The following TRAPPC11 variants were observed in gnomAD, a reference collection of about 807,000 sequenced individuals.
TRAPPC11 encodes the protein trafficking protein particle complex subunit 11, also known as foie gras homolog.
TRAPPC11 carries 104 observed loss-of-function variants against 151.2 expected under a neutral mutation model. That is an observed-to-expected ratio of 0.69 (90% CI 0.59 to 0.81). The LOEUF (loss-of-function observed/expected upper bound fraction) is 0.81. Ranked by LOEUF, TRAPPC11 falls within the 30% of genes least tolerant of loss-of-function variation. The pLI is 0.00. For missense variants in TRAPPC11, 1,230 were observed against 1,349.6 expected (o/e 0.91, Z 1.39); for synonymous variants, 456 against 472.3 (o/e 0.97, Z 0.45).
rs1256979877 is a variant in TRAPPC11, at chr4:183,659,312, C to G, written c.-157C>G. On this transcript the variant is annotated 5_prime_UTR_variant, in exon 1 of 30. Transcript: ENST00000334690. ...GGAGGTGGGTACAGGGAAGTCTCGC[C>G]TGTTGGAACTGGCTGTGGGGCTGCG... 8.4e-6 allele frequency: 2 copies of G among 238,788 alleles called. No homozygotes were observed. The highest frequency in any genetic ancestry group is 1.8e-4 in the South Asian group (1 of 5,608). The allele number at this position is 238,788 out of a possible 1,614,324, so 14.8% of individuals were successfully genotyped here.
intron 19 of TRAPPC11, among the ~76,000 whole-genome samples, chr4:183,691,679 A>G (rs1736267651): frequency 6.6e-6 from 1 of 152,156 alleles, no homozygotes; most frequent in South Asian, 2.1e-4. Context: ...GCAATTAAAA[A>G]ATTGAGAATA....
At chr4:183,675,801 T>G (rs1258528901) in intron 7 of TRAPPC11, 8 of 152,230 alleles carry the variant, frequency 5.3e-5, no homozygotes, top group African/African-American at 1.9e-4. Context: ...ATCAGTCAGT[T>G]GCATCATTTT....
intron 2 of TRAPPC11, among the ~76,000 whole-genome samples, chr4:183,665,157 C>T (rs375636114): frequency 3.8e-4 from 54 of 141,348 alleles, no homozygotes; most frequent in East Asian, 1.7e-3. Flanking sequence ...TGCTGTGGCG[C>T]GATATCGGCT....
rs2111065463 is a variant in TRAPPC11 at position 183,693,128 on chromosome 4, A to G, written c.2218A>G (p.Ile740Val). Residue 740 changes from isoleucine (I) to valine (V), a missense_variant, in exon 20 of 30, where the codon ATA (isoleucine) becomes GTA (valine). Ile to Val is a conservative substitution (Grantham distance 29). Coordinates refer to ENST00000334690, the MANE Select transcript of TRAPPC11 (RefSeq NM_021942.6). ...PDNEVHWDSIIIQASTMIISR... is the reference protein window; with the variant it reads ...PDNEVHWDSIVIQASTMIISR... ...CAATGAAGTTCACTGGGACAGCATT[A>G]TAATTCAGGCAAGCACAATGTAAGT... 3 of 1,606,134 alleles carry G rather than the reference A, an allele frequency of 1.9e-6. No homozygotes were observed. Among genetic ancestry groups the G allele is most frequent in the African/African-American group, 1.3e-5 (1 of 74,824 alleles).
intron 18 of TRAPPC11, among the ~76,000 whole-genome samples, chr4:183,690,835 G>A (rs955754864): frequency 3.9e-5 from 6 of 152,140 alleles, no homozygotes; most frequent in African/African-American, 9.7e-5. Flanking sequence ...TAGTGTGATC[G>A]TACATGCCTA....
At chr4:183,707,671 G>A (rs1311277099) in intron 28 of TRAPPC11, among the ~76,000 whole-genome samples, 3 of 152,176 alleles carry the variant, frequency 2.0e-5, no homozygotes, top group Admixed American at 6.5e-5. Flanking sequence ...CATATTCTGA[G>A]TGCTGTGTTT....
At chr4:183,693,223 T>A (rs1408074812) in intron 20 of TRAPPC11, 76 bp downstream of exon 20, 1 of 1,376,830 alleles carries the variant, frequency 7.3e-7, no homozygotes, top group Non-Finnish European at 9.8e-7. Context: ...AGACAGAGTC[T>A]CTCTCTTGTC....
chr4:183,665,806 C>T (rs907682217), intron 2 of TRAPPC11, among the ~76,000 whole-genome samples: 2 of 152,032 alleles, frequency 1.3e-5, no homozygotes, highest in Admixed American at 1.3e-4. Flanking sequence ...TGCATCACAG[C>T]AATATGTCTT....
intron 9 of TRAPPC11, 32 bp from the exon 10 acceptor site, chr4:183,680,088 C>G: frequency 6.4e-7 from 1 of 1,573,326 alleles, no homozygotes; most frequent in East Asian, 2.2e-5. Context: ...TCTTTTCATT[C>G]CTCTTTATTT....
rs1206060472 is a variant in TRAPPC11, at chr4:183,701,679, A to G, written c.2852-18A>G. 1 of 1,556,484 alleles carries G rather than the reference A, an allele frequency of 6.4e-7. No homozygotes were observed. Among genetic ancestry groups the G allele is most frequent in the Admixed American group, 1.7e-5 (1 of 59,946 alleles). ...GATGAAACCATTGCATAAGGAATAT[A>G]AAGACTTTTCCCTGTAGTTATCTTA... On this transcript the variant is annotated intron_variant, in intron 25 of 29. Transcript: ENST00000334690.
In TRAPPC11 at chr4:183,679,333, A is replaced by G. The variant is rs1435202466; in HGVS notation, c.832-20A>G. 6.5e-7 allele frequency: 1 copy of G among 1,534,074 alleles called. No individual in the cohort carries two copies. Among genetic ancestry groups the G allele is most frequent in the East Asian group, 2.4e-5 (1 of 42,286 alleles). Reference sequence around the variant, plus strand: ...CTTTCTTTTTTTCCTTTATTTTGGGATCAATTTTACATTTTGCAGATCTGT... The same window carrying G: ...CTTTCTTTTTTTCCTTTATTTTGGGGTCAATTTTACATTTTGCAGATCTGT... On this transcript the variant is annotated intron_variant, in intron 8 of 29. Coordinates refer to ENST00000334690, the MANE Select transcript of TRAPPC11 (RefSeq NM_021942.6).
intron 27 of TRAPPC11, among the ~76,000 whole-genome samples, chr4:183,705,590 C>T (rs1737015930): frequency 6.6e-6 from 1 of 152,182 alleles, no homozygotes; most frequent in Admixed American, 6.5e-5. Flanking sequence ...ATACCGCTTT[C>T]TCTACCACTT....
At position 183,665,505 on chromosome 4, in the gene TRAPPC11, C is replaced by T. The variant is rs576111594; in HGVS notation, c.205-752C>T. 3.3e-5 allele frequency among the ~76,000 whole-genome samples: 5 copies of T among 152,342 alleles called. No homozygotes were observed. In the East Asian group the frequency reaches 9.6e-4, roughly 29 times the overall value. On this transcript the variant is annotated intron_variant, in intron 2 of 29. Transcript: ENST00000334690. ...TCAAGCTGCTTTTCATTTCTCTATT[C>T]CCAGCTTTTGGCTGAGTCCCCATGT...
chr4:183,698,721 A>G (rs1736664209), intron 25 of TRAPPC11, among the ~76,000 whole-genome samples: 1 of 152,166 alleles, frequency 6.6e-6, no homozygotes, highest in East Asian at 1.9e-4. Flanking sequence ...CATTTCCAGT[A>G]TCCTGACGTT....
At chr4:183,702,947 A>G (rs566751667) in intron 26 of TRAPPC11, among the ~76,000 whole-genome samples, 1 of 152,246 alleles carries the variant, frequency 6.6e-6, no homozygotes, top group Non-Finnish European at 1.5e-5. Context: ...TGAAAAAGTT[A>G]TAAATTATCA....
At chr4:183,666,919 C>A in intron 3 of TRAPPC11, 141 bp from the exon 4 acceptor site, 1 of 575,068 alleles carries the variant, frequency 1.7e-6, no homozygotes, top group Non-Finnish European at 3.1e-6. Flanking sequence ...GCTTTGTGTG[C>A]AGGAAAAGAT....
chr4:183,700,780 G>A (rs1327226827), intron 25 of TRAPPC11: 4 of 151,914 alleles, frequency 2.6e-5, no homozygotes, highest in Non-Finnish European at 2.9e-5. Context: ...ATACTTAGTG[G>A]GTGAGCATCC....
intron 14 of TRAPPC11, 63 bp from the exon 15 acceptor site, chr4:183,684,633 C>G (rs1735870107): frequency 6.5e-7 from 1 of 1,544,634 alleles, no homozygotes; most frequent in Non-Finnish European, 8.8e-7. Context: ...ATTTTTTTCT[C>G]CATGAACTCT....
chr4:183,693,070 T>G lies in TRAPPC11; in HGVS notation c.2160T>G (p.Ala720=). The G allele has an allele frequency of 6.2e-7, 1 of 1,613,536 alleles. No individual in the cohort carries two copies. The highest frequency in any genetic ancestry group is 2.2e-5 in the East Asian group (1 of 44,834). Residue 720 remains alanine, a synonymous_variant, in exon 20 of 30, where the codon GCT becomes GCG. Coordinates refer to ENST00000334690, the MANE Select transcript of TRAPPC11 (RefSeq NM_021942.6). ...AASSQEALQA[A]RSFKRRPKLP... is the part of the protein sequence containing the mutation. ...CCTCCCAAGAAGCCTTACAGGCAGC[T>G]CGGTCTTTCAAAAGGCGACCTAAGC...
Sources: gnomAD v4.1 joint callset for allele counts (sites outside exome capture counted in the v4.1 genomes callset) on GRCh38, gnomAD v4.1.1 for gene constraint, MANE v1.5 for transcripts, NCBI Gene and HGNC (gene_info 2026-07-23, HGNC 2026-07-21) for gene names.